RABGAP1: variants seen among roughly 807,000 people sequenced by gnomAD.
RABGAP1 encodes the protein rab GTPase-activating protein 1.
A neutral mutation model predicts 137.6 loss-of-function variants in RABGAP1; 23 were observed. That is an observed-to-expected ratio of 0.17 (90% CI 0.12 to 0.24). The LOEUF is 0.24. RABGAP1 is among the 10% of genes least tolerant of loss of function. The pLI, the probability that RABGAP1 is intolerant of heterozygous loss-of-function variation, is 1.00. For missense variants in RABGAP1, 906 were observed against 1,275.8 expected, an observed-to-expected ratio of 0.71 and a Z score of 4.42; for synonymous variants, 451 against 450.7, an observed-to-expected ratio of 1.00 and a Z score of -0.01.
At chr9:123,013,936 C>G (rs948423025) in intron 11 of RABGAP1, among the ~76,000 whole-genome samples, 2 of 152,064 alleles carry the variant, frequency 1.3e-5, no homozygotes, top group African/African-American at 4.8e-5. Flanking sequence ...TGGTAAAGAT[C>G]CATGGAAACA....
At chr9:122,945,147 C>CTTTTTTTTTTGTTTTTTTTTTT (rs1833875386) in intron 1 of RABGAP1, among the ~76,000 whole-genome samples, 1 of 75,772 alleles carries the variant, frequency 1.3e-5, no homozygotes, top group Non-Finnish European at 2.9e-5. Flanking sequence ...ATAGCTGTTG[C>CTTTTTTTTTTGTTTTTTTTTTT]TTTTTTTTTT....
chr9:122,955,374 CAATG>C (rs1834457713), intron 1 of RABGAP1, among the ~76,000 whole-genome samples: 1 of 152,132 alleles, frequency 6.6e-6, no homozygotes, highest in South Asian at 2.1e-4. Context: ...AATAAGTATT[CAATG>C]AATGGATTAA....
chr9:123,061,494 A>G (rs2033970503), intron 13 of RABGAP1, among the ~76,000 whole-genome samples: 1 of 152,234 alleles, frequency 6.6e-6, no homozygotes, highest in Non-Finnish European at 1.5e-5. Context: ...GCTGCTCTAC[A>G]AGGGAAGAGT....
intron 13 of RABGAP1, among the ~76,000 whole-genome samples, chr9:123,055,821 G>C (rs1465560442): frequency 6.6e-6 from 1 of 152,088 alleles, no homozygotes. Context: ...AGAGTGCTGG[G>C]AGTACAGGCG....
chr9:122,978,418 C>T (rs933156643), intron 2 of RABGAP1, among the ~76,000 whole-genome samples: 4 of 152,122 alleles, frequency 2.6e-5, no homozygotes, highest in African/African-American at 9.7e-5. Context: ...TATTAATCTA[C>T]TCACCAGTGA....
the RABGAP1 span, among the ~76,000 whole-genome samples, chr9:122,934,095 T>C: frequency 1.1e-4 from 17 of 151,052 alleles, no homozygotes; most frequent in East Asian, 1.8e-3. Flanking sequence ...TTTTTTTTTT[T>C]GAGACAGAGT....
rs1302625861 is a variant in RABGAP1 at position 123,009,789 on chromosome 9, C to A, written c.1375-565C>A. Among the ~76,000 whole-genome samples, 3 of 146,908 alleles carry A rather than the reference C, an allele frequency of 2.0e-5. No individual in the cohort carries two copies. The South Asian group carries it at 6.2e-4, about 30-fold the overall frequency. On this transcript the variant is annotated intron_variant, in intron 10 of 25. Coordinates refer to ENST00000373647, the MANE Select transcript of RABGAP1 (RefSeq NM_012197.4). ...ATGTGTTCTCTGCCATTCACCTCCC[C>A]CTGACCCCACCCCAACTCCAAGTTG...
the RABGAP1 span, among the ~76,000 whole-genome samples, chr9:122,932,852 G>C: frequency 2.0e-5 from 3 of 152,276 alleles, no homozygotes; most frequent in Middle Eastern, 3.4e-3. Context: ...CTTTGACCCA[G>C]TTGTTAAGAG....
chr9:122,936,043 C>T (rs1044349250), upstream of RABGAP1, among the ~76,000 whole-genome samples: 1 of 152,006 alleles, frequency 6.6e-6, no homozygotes, highest in Non-Finnish European at 1.5e-5. Context: ...AGTTGCTCAT[C>T]TCTGGCTGCT....
chr9:123,045,898 C>T (rs1440748917), intron 13 of RABGAP1, among the ~76,000 whole-genome samples: 1 of 152,086 alleles, frequency 6.6e-6, no homozygotes, highest in African/African-American at 2.4e-5. Context: ...TACTTGGGGG[C>T]ATTGTAGGAA....
intron 13 of RABGAP1, among the ~76,000 whole-genome samples, chr9:123,029,909 A>G (rs2032203537): frequency 6.6e-6 from 1 of 152,236 alleles, no homozygotes; most frequent in African/African-American, 2.4e-5. Flanking sequence ...TATCATCTAC[A>G]AGTAGTTAAG....
At chr9:123,014,801 A>G (rs1281934632) in intron 11 of RABGAP1, among the ~76,000 whole-genome samples, 6 of 152,106 alleles carry the variant, frequency 3.9e-5, no homozygotes, top group Admixed American at 1.3e-4. Flanking sequence ...GGGAGACCTC[A>G]GGAAACTTAG....
Position 123,029,381 on chromosome 9 carries a change from G to C in RABGAP1, c.1794+8922G>C, listed in dbSNP as rs772368440. 3.3e-6 allele frequency: 4 copies of C among 1,216,504 alleles called. No individual in the cohort carries two copies. The Middle Eastern group carries it at 8.2e-4, about 249-fold the overall frequency. The allele number at this position is 1,216,504 out of a possible 1,614,324, so 75.4% of individuals were successfully genotyped here. ...TGTAGAGTTGCTTGGACCTGTTCAT[G>C]CATCTTCACCAGCAGCTGGAGCATC... On this transcript the variant is annotated intron_variant, in intron 13 of 25. Coordinates refer to ENST00000373647, the MANE Select transcript of RABGAP1 (RefSeq NM_012197.4).
At position 123,089,846 on chromosome 9, in the gene RABGAP1, T is replaced by C. The variant is rs1435359125; in HGVS notation, c.2513T>C (p.Phe838Ser). ...CAGCAAGAAGACCCCATCGAGCGAT[T>C]TGAGGTTTGTTTGCTTATGGCCTAC... Reference protein sequence around the residue: ...QAQQEDPIERFERENRRLQEA... With the variant: ...QAQQEDPIERSERENRRLQEA... Residue 838 changes from phenylalanine (F) to serine (S), a missense_variant, in exon 20 of 26, where the codon TTT becomes TCT. Coordinates refer to ENST00000373647, the MANE Select transcript of RABGAP1 (RefSeq NM_012197.4). The C allele has an allele frequency of 2.5e-6, 4 of 1,613,046 alleles. No homozygotes were observed. The African/African-American group carries it at 5.3e-5, about 22-fold the overall frequency.
intron 13 of RABGAP1, chr9:123,034,730 G>C (rs1238022766): frequency 6.2e-7 from 1 of 1,613,810 alleles, no homozygotes; most frequent in South Asian, 1.1e-5. Flanking sequence ...GTATTTCACT[G>C]TGCACCTTTG....
At chr9:122,961,199 C>G (rs1173734024) in intron 2 of RABGAP1, among the ~76,000 whole-genome samples, 1 of 151,898 alleles carries the variant, frequency 6.6e-6, no homozygotes, top group African/African-American at 2.4e-5. Flanking sequence ...AGGATAGATG[C>G]AAAGATATCC....
chr9:122,985,166 T>C (rs1836302584), intron 3 of RABGAP1, among the ~76,000 whole-genome samples: 1 of 151,994 alleles, frequency 6.6e-6, no homozygotes, highest in Non-Finnish European at 1.5e-5. Context: ...AGACATAGCA[T>C]GGGAGGAGAA....
chr9:123,050,740 A>T (rs531433426), intron 13 of RABGAP1, among the ~76,000 whole-genome samples: 1 of 152,198 alleles, frequency 6.6e-6, no homozygotes, highest in South Asian at 2.1e-4. Context: ...TATACAGGCT[A>T]TGAGGTCCTG....
At chr9:123,080,958 C>T (rs1181840311) in intron 19 of RABGAP1, among the ~76,000 whole-genome samples, 1 of 152,054 alleles carries the variant, frequency 6.6e-6, no homozygotes, top group Non-Finnish European at 1.5e-5. Context: ...CTCCTGTCTC[C>T]CCTTCTACCT....
Sources: gnomAD v4.1 joint callset for allele counts (sites outside exome capture counted in the v4.1 genomes callset) on GRCh38, gnomAD v4.1.1 for gene constraint, MANE v1.5 for transcripts, NCBI Gene and HGNC (gene_info 2026-07-23, HGNC 2026-07-21) for gene names.